Variants in HACE1 observed in about 807,000 individuals in gnomAD.
The protein encoded by HACE1 is HECT domain and ankyrin repeat containing E3 ubiquitin protein ligase 1.
HACE1 carries 73 observed loss-of-function variants against 118.4 expected under a neutral mutation model. That is an observed-to-expected ratio of 0.62 (90% confidence interval 0.51 to 0.75). The LOEUF is 0.75. HACE1 is among the 30% of genes least tolerant of loss of function. The pLI is 0.00. For missense variants in HACE1, 749 were observed against 1,102.2 expected (o/e 0.68, Z 4.54); for synonymous variants, 368 against 374.8 (o/e 0.98, Z 0.21).
intron 11 of HACE1, among the ~76,000 whole-genome samples, chr6:104,788,690 C>A (rs933406624): frequency 6.6e-6 from 1 of 152,048 alleles, no homozygotes; most frequent in South Asian, 2.1e-4. Context: ...AAGAACACAG[C>A]AAGACTCAGG....
chr6:104,857,956 C>CAAA (rs34623570), intron 1 of HACE1, among the ~76,000 whole-genome samples: 2 of 101,752 alleles, frequency 2.0e-5, no homozygotes, highest in Admixed American at 9.6e-5. Flanking sequence ...GACTCCGTCT[C>CAAA]AAAAAAAAAA....
At chr6:104,811,269 T>TATATATAC in intron 7 of HACE1, 42 bp downstream of exon 7, 1 of 548,934 alleles carries the variant, frequency 1.8e-6, no homozygotes, top group Non-Finnish European at 3.5e-6. Flanking sequence ...TATATATATA[T>TATATATAC]ATATGAGCAT....
intron 6 of HACE1, among the ~76,000 whole-genome samples, chr6:104,813,437 C>T (rs899670347): frequency 2.2e-5 from 3 of 138,202 alleles, no homozygotes; most frequent in South Asian, 2.2e-4. Context: ...CAGCCCAATT[C>T]GGGACAATGG....
chr6:104,803,605 G>A (rs538593521), intron 7 of HACE1, among the ~76,000 whole-genome samples: 71 of 152,100 alleles, frequency 4.7e-4, no homozygotes, highest in African/African-American at 1.4e-3. Flanking sequence ...AAGAACCAAC[G>A]GCAAAAACCA....
chr6:104,784,871 G>T, intron 12 of HACE1, 114 bp downstream of exon 12: 1 of 733,658 alleles, frequency 1.4e-6, no homozygotes. Flanking sequence ...CTTAAAACAA[G>T]GAGAAAACTT....
chr6:104,843,141 C>T, intron 5 of HACE1, 82 bp downstream of exon 5: 1 of 807,752 alleles, frequency 1.2e-6, no homozygotes, highest in Non-Finnish European at 2.2e-6. Flanking sequence ...AACACTTGTA[C>T]TACACTTTGC....
intron 19 of HACE1, among the ~76,000 whole-genome samples, chr6:104,754,693 A>G (rs1044903905): frequency 1.3e-4 from 20 of 152,250 alleles, no homozygotes; most frequent in Non-Finnish European, 2.6e-4. Context: ...ACTAAGCTTT[A>G]TAAGCAAAGG....
chr6:104,855,237 G>A (rs1776603339), intron 1 of HACE1, among the ~76,000 whole-genome samples: 1 of 152,128 alleles, frequency 6.6e-6, no homozygotes, highest in Non-Finnish European at 1.5e-5. Context: ...AAGGTCAGGA[G>A]ATCAAGACCA....
intron 19 of HACE1, among the ~76,000 whole-genome samples, chr6:104,760,727 T>C (rs1779260937): frequency 6.6e-6 from 1 of 152,178 alleles, no homozygotes; most frequent in African/African-American, 2.4e-5. Flanking sequence ...CAATAAAGTG[T>C]ATTCAAATAG....
chr6:104,848,180 G>A (rs939808308), intron 4 of HACE1, among the ~76,000 whole-genome samples: 5 of 151,390 alleles, frequency 3.3e-5, no homozygotes, highest in Admixed American at 6.6e-5. Flanking sequence ...TTTAGGCCGG[G>A]TGCGGTGGCT....
chr6:104,850,859 G>A, intron 3 of HACE1, 48 bp downstream of exon 3: 1 of 1,102,204 alleles, frequency 9.1e-7, no homozygotes, highest in Non-Finnish European at 1.4e-6. Flanking sequence ...AAAGCTTACT[G>A]ATCCTTGCCC....
intron 6 of HACE1, among the ~76,000 whole-genome samples, chr6:104,816,010 T>C (rs1236662295): frequency 6.6e-6 from 1 of 151,344 alleles, no homozygotes; most frequent in East Asian, 2.0e-4. Flanking sequence ...GAGGCGGAGA[T>C]TGCAGTGAGC....
chr6:104,818,255 A>G lies in HACE1; in HGVS notation c.535-6862T>C, dbSNP rs188618478. Among the ~76,000 whole-genome samples the G allele has an allele frequency of 1.2e-3, 186 of 152,308 alleles. 1 individual carries two copies. Among genetic ancestry groups the G allele is most frequent in the Non-Finnish European group, 4.1e-4 (28 of 68,016 alleles). On this transcript the variant is annotated intron_variant, in intron 6 of 23. Transcript: ENST00000262903. ...AAACAAGTATTTCAGTCACTATTTT[A>G]TAAGAGAAGGACTACGTGGGCCTTC...
At chr6:104,742,453 A>C (rs1459179545) in intron 22 of HACE1, among the ~76,000 whole-genome samples, 1 of 151,550 alleles carries the variant, frequency 6.6e-6, no homozygotes, top group Non-Finnish European at 1.5e-5. Flanking sequence ...ATGAACTCAA[A>C]CAAATTTACA....
chr6:104,836,219 AAG>A (rs1008516181), intron 5 of HACE1, among the ~76,000 whole-genome samples: 6 of 152,310 alleles, frequency 3.9e-5, no homozygotes, highest in African/African-American at 1.4e-4. Context: ...CAATCCAGCC[AAG>A]AGAGCACAGA....
chr6:104,800,523 A>G (rs929835815), intron 7 of HACE1, among the ~76,000 whole-genome samples: 2 of 152,140 alleles, frequency 1.3e-5, no homozygotes, highest in African/African-American at 4.8e-5. Flanking sequence ...CAGAGGAAGG[A>G]ACAGGCAGCA....
At chr6:104,759,672 T>C (rs1413077286) in intron 19 of HACE1, among the ~76,000 whole-genome samples, 1 of 151,936 alleles carries the variant, frequency 6.6e-6, no homozygotes. Context: ...ATTCAAAAGC[T>C]AGCAGAATAC....
chr6:104,789,089 A>C (rs182377304), intron 11 of HACE1, among the ~76,000 whole-genome samples: 112 of 152,238 alleles, frequency 7.4e-4, no homozygotes, highest in African/African-American at 2.6e-3. Flanking sequence ...TAACTAGCAA[A>C]GATTTTTACT....
intron 5 of HACE1, among the ~76,000 whole-genome samples, chr6:104,840,391 C>T (rs1207715052): frequency 6.6e-6 from 1 of 152,006 alleles, no homozygotes; most frequent in African/African-American, 2.4e-5. Flanking sequence ...GCTTATACAC[C>T]ACAGGGCGGG....
Sources: allele counts gnomAD v4.1 joint callset (sites outside exome capture counted in the v4.1 genomes callset), GRCh38; gene constraint gnomAD v4.1.1; transcripts MANE v1.5; gene names NCBI Gene and HGNC (gene_info 2026-07-23, HGNC 2026-07-21).